Variants in CREBBP observed in about 807,000 individuals in gnomAD.
CREBBP encodes CREB-binding protein.
CREBBP carries 19 observed loss-of-function variants against 265.0 expected under a neutral mutation model. The ratio of observed to expected loss-of-function variants is 0.07; its 90% CI spans 0.05 to 0.11. The LOEUF (loss-of-function observed/expected upper bound fraction) is 0.11. Ranked by LOEUF, CREBBP falls within the 10% of genes least tolerant of loss-of-function variation. The pLI is 1.00. For missense variants in CREBBP, 2,525 were observed against 3,219.0 expected (o/e 0.78, Z 5.22); for synonymous variants, 1,457 against 1,223.7 (o/e 1.19, Z -3.98).
At chr16:3,732,685 C>T (rs752540882) in intron 28 of CREBBP, among the ~76,000 whole-genome samples, 53 of 151,926 alleles carry the variant, frequency 3.5e-4, no homozygotes, top group Admixed American at 1.1e-3. Context: ...TATAGGCACC[C>T]GCCACCATGC....
chr16:3,848,571 T>C (rs928566462), intron 2 of CREBBP, among the ~76,000 whole-genome samples: 5 of 152,192 alleles, frequency 3.3e-5, no homozygotes, highest in Admixed American at 6.5e-5. Context: ...ATACTGCACA[T>C]GTTAAAGAAA....
chr16:3,871,487 A>G (rs1051012567), intron 1 of CREBBP, among the ~76,000 whole-genome samples: 10 of 152,256 alleles, frequency 6.6e-5, no homozygotes, highest in East Asian at 1.9e-4. Context: ...CGTAGAGTCT[A>G]TAATTGTCTA....
chr16:3,823,580 G>A (rs1239627999), intron 2 of CREBBP, among the ~76,000 whole-genome samples: 1 of 152,102 alleles, frequency 6.6e-6, no homozygotes. Context: ...AAAGCCAGGC[G>A]TGGCTCTAAC....
intron 2 of CREBBP, among the ~76,000 whole-genome samples, chr16:3,823,543 C>G (rs1438555586): frequency 6.6e-6 from 1 of 152,168 alleles, no homozygotes; most frequent in Non-Finnish European, 1.5e-5. Context: ...TAGAAACAAA[C>G]AAGGTCGACA....
chr16:3,751,588 C>T, intron 20 of CREBBP, 138 bp downstream of exon 20: 2 of 826,934 alleles, frequency 2.4e-6, no homozygotes, highest in Non-Finnish European at 4.1e-6. Flanking sequence ...GAGAACCTGT[C>T]TCAAAAACAA....
At chr16:3,854,078 C>T (rs2054911333) in intron 1 of CREBBP, among the ~76,000 whole-genome samples, 2 of 152,214 alleles carry the variant, frequency 1.3e-5, no homozygotes, top group Non-Finnish European at 1.5e-5. Flanking sequence ...GCTGGCAACA[C>T]CCACATGATC....
At chr16:3,767,452 G>A in intron 16 of CREBBP, 2 of 568,646 alleles carry the variant, frequency 3.5e-6, no homozygotes, top group Non-Finnish European at 6.2e-6. Context: ...CTCGGCCCCT[G>A]CCAGCACCAT....
At chr16:3,781,162 G>A (rs1283635125) in intron 7 of CREBBP, 42 bp downstream of exon 7, 1 of 1,519,316 alleles carries the variant, frequency 6.6e-7, no homozygotes, top group East Asian at 2.3e-5. Context: ...CTCAGTCCAT[G>A]CTCCTGTTGG....
intron 3 of CREBBP, among the ~76,000 whole-genome samples, chr16:3,807,394 T>C (rs775586837): frequency 1.3e-5 from 2 of 152,170 alleles, no homozygotes; most frequent in Non-Finnish European, 2.9e-5. Flanking sequence ...AGCATGACAA[T>C]AAATGCAAAT....
At chr16:3,835,146 G>A (rs529294777) in intron 2 of CREBBP, among the ~76,000 whole-genome samples, 7 of 152,172 alleles carry the variant, frequency 4.6e-5, no homozygotes, top group East Asian at 3.9e-4. Flanking sequence ...GCAAAAGAGC[G>A]AGACTCCTTC....
intron 2 of CREBBP, among the ~76,000 whole-genome samples, chr16:3,846,916 T>C (rs1399234028): frequency 6.6e-6 from 1 of 152,246 alleles, no homozygotes; most frequent in Non-Finnish European, 1.5e-5. Context: ...TAAGAGTATT[T>C]TTATGGTTGT....
intron 16 of CREBBP, among the ~76,000 whole-genome samples, chr16:3,760,325 C>T (rs561507947): frequency 2.7e-5 from 4 of 150,256 alleles, no homozygotes; most frequent in Non-Finnish European, 5.9e-5. Flanking sequence ...CTCCTGAGCT[C>T]AAGCGCTCCC....
At position 3,731,765 on chromosome 16, in the gene CREBBP, C is replaced by T. The variant is rs2051923731; in HGVS notation, c.4890+11G>A. The T allele has an allele frequency of 6.2e-7, 1 of 1,614,218 alleles. No individual in the cohort carries two copies. Among genetic ancestry groups the T allele is most frequent in the South Asian group, 1.1e-5 (1 of 91,086 alleles). Reference sequence around the variant, plus strand: ...CAGAGGCACGGCTGCAGCACCGCAGCCCACGCCTACCTCCTTGTGCTTCTC... The same window carrying T: ...CAGAGGCACGGCTGCAGCACCGCAGTCCACGCCTACCTCCTTGTGCTTCTC... On this transcript the variant is annotated intron_variant, in intron 29 of 30. Transcript: ENST00000262367. The surrounding 1 kb of genome is among the most constrained non-coding windows in gnomAD (Gnocchi z 7.7).
chr16:3,760,473 G>A (rs1029075390), intron 16 of CREBBP, among the ~76,000 whole-genome samples: 5 of 136,216 alleles, frequency 3.7e-5, no homozygotes, highest in African/African-American at 5.6e-5. Context: ...TACGATCTCG[G>A]CTCACAGCAA....
At chr16:3,815,642 T>C (rs539436678) in intron 2 of CREBBP, among the ~76,000 whole-genome samples, 10 of 151,906 alleles carry the variant, frequency 6.6e-5, no homozygotes, top group Admixed American at 5.2e-4. Flanking sequence ...ATATAATCTT[T>C]TAAAAAGTTT....
intron 2 of CREBBP, chr16:3,840,609 G>T: frequency 5.8e-6 from 1 of 173,210 alleles, no homozygotes. Flanking sequence ...GACGATTCAG[G>T]GGCCTCTCAA....
rs548756499 is a variant in CREBBP, at chr16:3,798,153, C to G, written c.976-4527G>C. ...CAGGCAGAAGGATGCAGGCAGCCTCCTCTCTACCTCCCACTCAAAAATGAA... is the reference window on the plus strand; with the variant it reads ...CAGGCAGAAGGATGCAGGCAGCCTCGTCTCTACCTCCCACTCAAAAATGAA... On this transcript the variant is annotated intron_variant, in intron 3 of 30. Transcript: ENST00000262367. Among the ~76,000 whole-genome samples, 4 of 152,338 alleles carry G rather than the reference C, an allele frequency of 2.6e-5. No individual in the cohort carries two copies. In the South Asian group the frequency reaches 8.3e-4, roughly 32 times the overall value.
intron 11 of CREBBP, among the ~76,000 whole-genome samples, chr16:3,776,402 A>C (rs1385549669): frequency 6.6e-6 from 1 of 152,088 alleles, no homozygotes; most frequent in South Asian, 2.1e-4. Context: ...TGCTTCAACC[A>C]ACCAAAAACC....
At position 3,852,685 on chromosome 16, in the gene CREBBP, C is replaced by T. The variant is rs59828191; in HGVS notation, c.86-1676G>A. On this transcript the variant is annotated intron_variant, in intron 1 of 30. Coordinates refer to ENST00000262367, the MANE Select transcript of CREBBP (RefSeq NM_004380.3). The stretch of plus-strand genomic sequence containing the variant: ...GGAAGATGAGAAGCACAGTGACTCC[C>T]GACTATAAATGGACAAAAGACATAA... Among the ~76,000 whole-genome samples the T allele has an allele frequency of 4.5e-3, 683 of 152,078 alleles. 5 individuals are homozygous for T. Among genetic ancestry groups the T allele is most frequent in the African/African-American group, 0.015 (625 of 41,478 alleles).
Sources: allele counts gnomAD v4.1 joint callset (sites outside exome capture counted in the v4.1 genomes callset), GRCh38; gene constraint gnomAD v4.1.1; non-coding constraint Gnocchi (gnomAD v3.1); transcripts MANE v1.5; gene names NCBI Gene and HGNC (gene_info 2026-07-23, HGNC 2026-07-21).